The following WDR5B variants were observed in gnomAD, a reference collection of about 807,000 sequenced individuals.
WDR5B encodes WD repeat-containing protein 5B.
WDR5B carries 17 observed loss-of-function variants against 24.0 expected under a neutral mutation model. That is an observed-to-expected ratio of 0.71 (90% CI 0.49 to 1.06). WDR5B has a LOEUF of 1.06. Among genes scored for constraint, WDR5B ranks in the 50% least tolerant of loss-of-function variants. The pLI is 0.00. For missense variants in WDR5B, 368 were observed against 384.1 expected, an observed-to-expected ratio of 0.96 and a Z score of 0.35; for synonymous variants, 150 against 146.4, an observed-to-expected ratio of 1.02 and a Z score of -0.18.
Position 122,414,503 on chromosome 3 carries a change from C to A in WDR5B, c.*33G>T. ...TTTTTAAATATCCAAGTTTTTTGGC[C>A]AACTTGGCTCTACTACTTGATTTTC... On this transcript the variant is annotated 3_prime_UTR_variant, in exon 1 of 1. Transcript: ENST00000330689. 6.5e-7 allele frequency: 1 copy of A among 1,548,312 alleles called. No individual in the cohort carries two copies.
rs1329906731 is a variant in WDR5B at position 122,415,675 on chromosome 3, GTC to G, written c.-149_-148del. 6 of 1,024,678 alleles carry G rather than the reference GTC, an allele frequency of 5.9e-6. No individual in the cohort carries two copies. The African/African-American group carries it at 8.1e-5, about 14-fold the overall frequency. 63.5% of individuals were successfully genotyped at this position (1,024,678 alleles called of 1,614,324 possible). On this transcript the variant is annotated 5_prime_UTR_variant, in exon 1 of 1. Coordinates refer to ENST00000330689, the MANE Select transcript of WDR5B (RefSeq NM_019069.4). ...TTTGAAAGCTTAAAGTTTCTGGACA[GTC>G]TTTAAACTGTGAGACGGAATCAGCA...
At position 122,415,365 on chromosome 3, in the gene WDR5B, C is replaced by T; in HGVS notation, c.164G>A (p.Trp55Ter). ...CCTATCAGCAGAAGAACTTGCTAGC[C>T]ATTCTCCATTAGGACTAAACTTAAC... ...SSVKFSPNGE[W>*]LASSSADRLI... The change falls in exon 1 of 1, where the codon TGG (tryptophan) becomes TAG (stop). Residue 55 changes from tryptophan to a stop codon, truncating the protein, a stop_gained. Coordinates refer to ENST00000330689, the MANE Select transcript of WDR5B (RefSeq NM_019069.4). LOFTEE classifies it high-confidence loss of function. 6.2e-7 allele frequency: 1 copy of T among 1,614,230 alleles called. No homozygotes were observed. The highest frequency in any genetic ancestry group is 1.1e-5 in the South Asian group (1 of 91,084).
rs1030509621 is a variant in WDR5B, at chr3:122,412,715, T to G, written c.*1821A>C. The G allele has an allele frequency of 1.3e-5, 2 of 152,240 alleles. No homozygotes were observed. The highest frequency in any genetic ancestry group is 2.9e-5 in the Non-Finnish European group (2 of 68,052). 9.4% of individuals were successfully genotyped at this position (152,240 alleles called of 1,614,324 possible). ...ACACAGAACAAAAGAAGAGCAGTCT[T>G]CATCAGACATTTAGCTTGCCTGAAA... is the stretch of plus-strand genomic sequence containing the variant. On this transcript the variant is annotated 3_prime_UTR_variant, in exon 1 of 1. Transcript: ENST00000330689.
chr3:122,414,489 C>A lies in WDR5B; in HGVS notation c.*47G>T, dbSNP rs2075721363. On this transcript the variant is annotated 3_prime_UTR_variant, in exon 1 of 1. Transcript: ENST00000330689. ...TAAAAGAAACCGTCTTTTTAAATAT[C>A]CAAGTTTTTTGGCCAACTTGGCTCT... 4 of 1,540,246 alleles carry A rather than the reference C, an allele frequency of 2.6e-6. No homozygotes were observed. Among genetic ancestry groups the A allele is most frequent in the Non-Finnish European group, 3.5e-6 (4 of 1,147,874 alleles).
At position 122,415,381 on chromosome 3, in the gene WDR5B, TA is replaced by T. The variant is rs1024226365; in HGVS notation, c.147del (p.Phe49LeufsTer8). The part of the protein sequence containing the change: ...GHTEAVSSVK[F>X]SPNGEWLASS... Reference sequence around the variant, plus strand: ...CTTGCTAGCCATTCTCCATTAGGACTAAACTTAACTGATGACACTGCTTCCG... The same window carrying T: ...CTTGCTAGCCATTCTCCATTAGGACTAACTTAACTGATGACACTGCTTCCG... On this transcript the variant is annotated frameshift_variant, in exon 1 of 1. Coordinates refer to ENST00000330689, the MANE Select transcript of WDR5B (RefSeq NM_019069.4). LOFTEE classifies it high-confidence loss of function. 3 of 1,614,144 alleles carry T rather than the reference TA, an allele frequency of 1.9e-6. No individual in the cohort carries two copies. Among genetic ancestry groups the T allele is most frequent in the Non-Finnish European group, 2.5e-6 (3 of 1,180,052 alleles).
Position 122,415,149 on chromosome 3 carries a change from T to C in WDR5B, c.380A>G (p.Tyr127Cys), listed in dbSNP as rs1039974769. The C allele has an allele frequency of 1.2e-6, 2 of 1,614,176 alleles. No homozygotes were observed. The highest frequency in any genetic ancestry group is 1.7e-6 in the Non-Finnish European group (2 of 1,180,042). Residue 127 changes from tyrosine (Y) to cysteine (C), a missense_variant, in exon 1 of 1, where the codon TAT becomes TGT. Coordinates refer to ENST00000330689, the MANE Select transcript of WDR5B (RefSeq NM_019069.4). ...CLKTLKGHSNYVFCCNFNPPS... is the reference protein window; with the variant it reads ...CLKTLKGHSNCVFCCNFNPPS... The stretch of plus-strand genomic sequence containing the variant: ...CGGATTGAAGTTACAACAAAAGACA[T>C]AATTACTGTGCCCCTTCAGTGTTTT...
In WDR5B at chr3:122,413,402, G is replaced by A. The variant is rs750417018; in HGVS notation, c.*1134C>T. ...GCAGGTGGATCACTTGAGGCCAGGAGTTCAAGACCAGCCTCGAACATGGTG... is the reference window on the plus strand; with the variant it reads ...GCAGGTGGATCACTTGAGGCCAGGAATTCAAGACCAGCCTCGAACATGGTG... On this transcript the variant is annotated 3_prime_UTR_variant, in exon 1 of 1. Transcript: ENST00000330689. 1.3e-5 allele frequency: 2 copies of A among 152,300 alleles called. No homozygotes were observed. Among genetic ancestry groups the A allele is most frequent in the African/African-American group, 2.4e-5 (1 of 41,454 alleles). The allele number at this position is 152,300 out of a possible 1,614,324, so 9.4% of individuals were successfully genotyped here.
In WDR5B at chr3:122,411,945, T is replaced by A. The variant is rs1191883047; in HGVS notation, c.*2591A>T. Reference sequence around the variant, plus strand: ...AACAGTCATTTCTCATTTGTGTTATTCTCCTATTTGATAACATATAGTGAC... The same window carrying A: ...AACAGTCATTTCTCATTTGTGTTATACTCCTATTTGATAACATATAGTGAC... On this transcript the variant is annotated 3_prime_UTR_variant, in exon 1 of 1. Coordinates refer to ENST00000330689, the MANE Select transcript of WDR5B (RefSeq NM_019069.4). The A allele has an allele frequency of 6.6e-6, 1 of 152,200 alleles. No individual in the cohort carries two copies. Among genetic ancestry groups the A allele is most frequent in the Admixed American group, 6.5e-5 (1 of 15,272 alleles). The allele number at this position is 152,200 out of a possible 1,614,324, so 9.4% of individuals were successfully genotyped here.
In WDR5B at chr3:122,414,346, T is replaced by C; in HGVS notation, c.*190A>G. On this transcript the variant is annotated 3_prime_UTR_variant, in exon 1 of 1. Coordinates refer to ENST00000330689, the MANE Select transcript of WDR5B (RefSeq NM_019069.4). ...ATTACAAAAAGTTGCTCAAAAAAGA[T>C]TGGTAGTCAGAAGCTGAATTCTAGA... 1.4e-6 allele frequency: 1 copy of C among 711,598 alleles called. No homozygotes were observed. The highest frequency in any genetic ancestry group is 2.1e-5 in the South Asian group (1 of 48,116). 44.1% of individuals were successfully genotyped at this position (711,598 alleles called of 1,614,324 possible). A position where few individuals can be genotyped will look rare whatever the true frequency, so the allele number is the denominator to read the frequency against.
chr3:122,415,191 C>G lies in WDR5B; in HGVS notation c.338G>C (p.Arg113Thr). 1 of 1,614,234 alleles carries G rather than the reference C, an allele frequency of 6.2e-7. No individual in the cohort carries two copies. Among genetic ancestry groups the G allele is most frequent in the Non-Finnish European group, 8.5e-7 (1 of 1,180,038 alleles). Residue 113 changes from arginine (R) to threonine (T), a missense_variant, in exon 1 of 1, where the codon AGA becomes ACA. Physicochemically the swap from Arg to Thr is moderately conservative, Grantham distance 71. Transcript: ENST00000330689. ...DDKTLKLWDV[R>T]SGKCLKTLKG... The stretch of plus-strand genomic sequence containing the variant: ...CAGTGTTTTCAAACATTTTCCAGAT[C>G]TCACATCCCATAATTTTAGAGTTTT...
Position 122,414,509 on chromosome 3 carries a change from G to A in WDR5B, c.*27C>T. 1 of 1,562,754 alleles carries A rather than the reference G, an allele frequency of 6.4e-7. No homozygotes were observed. The highest frequency in any genetic ancestry group is 8.7e-7 in the Non-Finnish European group (1 of 1,154,508). On this transcript the variant is annotated 3_prime_UTR_variant, in exon 1 of 1. Coordinates refer to ENST00000330689, the MANE Select transcript of WDR5B (RefSeq NM_019069.4). ...AATATCCAAGTTTTTTGGCCAACTT[G>A]GCTCTACTACTTGATTTTCAAAGGG...
rs1210284180 is a variant in WDR5B, at chr3:122,415,484, G to C, written c.45C>G (p.Leu15=). The part of the protein sequence containing the change: ...ESRDAKAQLA[L]SSSANQSKEV... ...CCTTGCTCTGATTGGCCGATGAGGAGAGGGCCAACTGTGCTTTGGCGTCTC... is the reference window on the plus strand; with the variant it reads ...CCTTGCTCTGATTGGCCGATGAGGACAGGGCCAACTGTGCTTTGGCGTCTC... Residue 15 remains leucine, a synonymous_variant, in exon 1 of 1, where the codon CTC becomes CTG. Transcript: ENST00000330689. The C allele has an allele frequency of 6.2e-7, 1 of 1,614,152 alleles. No homozygotes were observed. Among genetic ancestry groups the C allele is most frequent in the South Asian group, 1.1e-5 (1 of 91,080 alleles).
At position 122,414,784 on chromosome 3, in the gene WDR5B, T is replaced by C; in HGVS notation, c.745A>G (p.Thr249Ala). Residue 249 changes from threonine to alanine, a missense_variant, in exon 1 of 1, where the codon ACT becomes GCT. Physicochemically the swap from Thr to Ala is moderately conservative, Grantham distance 58 (BLOSUM62 0). Transcript: ENST00000330689. ...CAATATTTCTCATTCTTATGACCAG[T>C]GTATGTTTTCAGGCACCTGCCTCTG... is the stretch of plus-strand genomic sequence containing the variant. ...YSRGRCLKTY[T>A]GHKNEKYCIF... 6.2e-7 allele frequency: 1 copy of C among 1,614,166 alleles called. No homozygotes were observed.
chr3:122,415,133 G>A lies in WDR5B; in HGVS notation c.396C>T (p.Asn132=), dbSNP rs2075727650. The part of the protein sequence containing the change: ...KGHSNYVFCC[N]FNPPSNLIIS... Reference sequence around the variant, plus strand: ...TTATAAGGTTGGATGGCGGATTGAAGTTACAACAAAAGACATAATTACTGT... The same window carrying A: ...TTATAAGGTTGGATGGCGGATTGAAATTACAACAAAAGACATAATTACTGT... The change falls in exon 1 of 1, where the codon AAC becomes AAT. Residue 132 remains asparagine (N), a synonymous_variant. Coordinates refer to ENST00000330689, the MANE Select transcript of WDR5B (RefSeq NM_019069.4). The A allele has an allele frequency of 1.2e-5, 19 of 1,614,212 alleles. No individual in the cohort carries two copies. Among genetic ancestry groups the A allele is most frequent in the Admixed American group, 1.7e-5 (1 of 60,028 alleles).
In WDR5B at chr3:122,415,103, C is replaced by T; in HGVS notation, c.426G>A (p.Ser142=). The stretch of plus-strand genomic sequence containing the variant: ...TTTTTACAGTCTCATCAAAAGATCC[C>T]GAGATTATAAGGTTGGATGGCGGAT... ...NFNPPSNLII[S]GSFDETVKIW... is the part of the protein sequence containing the mutation. The change falls in exon 1 of 1, where the codon TCG becomes TCA. Residue 142 remains serine (S), a synonymous_variant. Coordinates refer to ENST00000330689, the MANE Select transcript of WDR5B (RefSeq NM_019069.4). The T allele has an allele frequency of 6.2e-7, 1 of 1,614,130 alleles. No homozygotes were observed. Among genetic ancestry groups the T allele is most frequent in the Non-Finnish European group, 8.5e-7 (1 of 1,180,030 alleles).
rs775978710 is a variant in WDR5B, at chr3:122,414,488, TC to T, written c.*47del. 1 of 1,541,394 alleles carries T rather than the reference TC, an allele frequency of 6.5e-7. No individual in the cohort carries two copies. The highest frequency in any genetic ancestry group is 1.4e-5 in the African/African-American group (1 of 71,992). On this transcript the variant is annotated 3_prime_UTR_variant, in exon 1 of 1. Coordinates refer to ENST00000330689, the MANE Select transcript of WDR5B (RefSeq NM_019069.4). Reference sequence around the variant, plus strand: ...TTAAAAGAAACCGTCTTTTTAAATATCCAAGTTTTTTGGCCAACTTGGCTCT... The same window carrying T: ...TTAAAAGAAACCGTCTTTTTAAATATCAAGTTTTTTGGCCAACTTGGCTCT...
At position 122,414,542 on chromosome 3, in the gene WDR5B, G is replaced by A. The variant is rs2075721737; in HGVS notation, c.987C>T (p.Asn329=). ...TACTTGATTTTCAAAGGGATTAGTGGTTACTCATCCACAGTTTAATTGTTT... is the reference window on the plus strand; with the variant it reads ...TACTTGATTTTCAAAGGGATTAGTGATTACTCATCCACAGTTTAATTGTTT... ...NDKTIKLWMS[N]H The change falls in exon 1 of 1, where the codon AAC becomes AAT. Residue 329 remains asparagine, a synonymous_variant. Coordinates refer to ENST00000330689, the MANE Select transcript of WDR5B (RefSeq NM_019069.4). 2 of 1,612,150 alleles carry A rather than the reference G, an allele frequency of 1.2e-6. No individual in the cohort carries two copies. Among genetic ancestry groups the A allele is most frequent in the Admixed American group, 1.7e-5 (1 of 59,934 alleles).
chr3:122,414,656 C>G lies in WDR5B; in HGVS notation c.873G>C (p.Gln291His), dbSNP rs575344897. Reference protein sequence around the residue: ...IWNLQTKEIVQKLQGHTDVVI... With the variant: ...IWNLQTKEIVHKLQGHTDVVI... ...CAACATCTGTATGGCCTTGTAATTT[C>G]TGCACAATCTCTTTAGTCTGAAGGT... The change falls in exon 1 of 1, where the codon CAG (glutamine) becomes CAC (histidine). Residue 291 changes from glutamine (Q) to histidine (H), a missense_variant. Coordinates refer to ENST00000330689, the MANE Select transcript of WDR5B (RefSeq NM_019069.4). 1.9e-6 allele frequency: 3 copies of G among 1,614,168 alleles called. No individual in the cohort carries two copies. The East Asian group carries it at 6.7e-5, about 36-fold the overall frequency.
rs1394464320 is a variant in WDR5B, at chr3:122,413,847, T to C, written c.*689A>G. On this transcript the variant is annotated 3_prime_UTR_variant, in exon 1 of 1. Coordinates refer to ENST00000330689, the MANE Select transcript of WDR5B (RefSeq NM_019069.4). The stretch of plus-strand genomic sequence containing the variant: ...AGCACTATTCGTAATAGCAAAGTTA[T>C]GGAACCAACCTAAGGGTCCATCAAG... 1 of 152,146 alleles carries C rather than the reference T, an allele frequency of 6.6e-6. No homozygotes were observed. Among genetic ancestry groups the C allele is most frequent in the Non-Finnish European group, 1.5e-5 (1 of 68,066 alleles). The allele number at this position is 152,146 out of a possible 1,614,324, so 9.4% of individuals were successfully genotyped here. A position where few individuals can be genotyped will look rare whatever the true frequency, so the allele number is the denominator to read the frequency against.
Sources: allele counts gnomAD v4.1 joint callset, GRCh38; gene constraint gnomAD v4.1.1; transcripts MANE v1.5; gene names NCBI Gene and HGNC (gene_info 2026-07-23, HGNC 2026-07-21).